HS3ST4: variants seen among roughly 807,000 people sequenced by gnomAD.
HS3ST4 encodes the protein heparan sulfate-glucosamine 3-sulfotransferase 4, also known as heparan sulfate glucosamine 3-O-sulfotransferase 4.
A neutral mutation model predicts 29.2 loss-of-function variants in HS3ST4; 17 were observed. The ratio of observed to expected loss-of-function variants is 0.58; its 90% CI spans 0.40 to 0.87. The LOEUF (loss-of-function observed/expected upper bound fraction) is 0.87, where lower values mean the gene tolerates loss of function less well. HS3ST4 is among the 40% of genes least tolerant of loss of function. The probability of loss-of-function intolerance (pLI) is 0.00; values close to 1 mark genes in which losing one functional copy is unlikely to be tolerated. For synonymous variants in HS3ST4, 314 were observed against 285.7 expected, an observed-to-expected ratio of 1.10 and a Z score of -1.00; for missense variants, 627 against 634.5, an observed-to-expected ratio of 0.99 and a Z score of 0.13.
At chr16:25,844,860 A>G (rs900998450) in intron 1 of HS3ST4, among the ~76,000 whole-genome samples, 7 of 152,244 alleles carry the variant, frequency 4.6e-5, no homozygotes, top group Admixed American at 1.3e-4. Flanking sequence ...AGGGAGTACT[A>G]TGCAGCCATA....
At chr16:25,813,427 G>A (rs565884228) in intron 1 of HS3ST4, among the ~76,000 whole-genome samples, 18 of 152,064 alleles carry the variant, frequency 1.2e-4, no homozygotes, top group Non-Finnish European at 2.5e-4. Flanking sequence ...GAGAAACCCC[G>A]TCTCCACTAA....
At position 25,745,471 on chromosome 16, in the gene HS3ST4, C is replaced by G. The variant is rs567614010; in HGVS notation, c.734+52320C>G. Reference sequence around the variant, plus strand: ...ATCCTTGTTAGATTTGCCAGAGATGCTTATTAAAGTTGCAGAATCCTGGGC... The same window carrying G: ...ATCCTTGTTAGATTTGCCAGAGATGGTTATTAAAGTTGCAGAATCCTGGGC... On this transcript the variant is annotated intron_variant, in intron 1 of 1. Coordinates refer to ENST00000331351, the MANE Select transcript of HS3ST4 (RefSeq NM_006040.3). Among the ~76,000 whole-genome samples, 6 of 152,208 alleles carry G rather than the reference C, an allele frequency of 3.9e-5. No homozygotes were observed. The South Asian group carries it at 1.2e-3, about 32-fold the overall frequency.
intron 1 of HS3ST4, among the ~76,000 whole-genome samples, chr16:26,052,129 C>A (rs1479164686): frequency 6.6e-6 from 1 of 152,076 alleles, no homozygotes; most frequent in African/African-American, 2.4e-5. Context: ...AGGGTTGTGT[C>A]CCACACCCAG....
At chr16:25,974,157 T>C (rs760436384) in intron 1 of HS3ST4, among the ~76,000 whole-genome samples, 2 of 152,230 alleles carry the variant, frequency 1.3e-5, no homozygotes, top group Non-Finnish European at 2.9e-5. Flanking sequence ...TGCCAGCCTC[T>C]CTTTCTGAGA....
rs767016845 is a variant in HS3ST4, at chr16:25,928,035, C to CAAAA, written c.735-207557_735-207554dup. On this transcript the variant is annotated intron_variant, in intron 1 of 1. Coordinates refer to ENST00000331351, the MANE Select transcript of HS3ST4 (RefSeq NM_006040.3). ...ATAATGTGGAGATACCCCATCTCGACAAAAAAAAAAAAAAAAAAAAAAAGG... is the reference window on the plus strand; with the variant it reads ...ATAATGTGGAGATACCCCATCTCGACAAAAAAAAAAAAAAAAAAAAAAAAAAAGG... 4.6e-3 allele frequency among the ~76,000 whole-genome samples: 230 copies of CAAAA among 49,832 alleles called. 6 individuals carry two copies. The highest frequency in any genetic ancestry group is 0.011 in the African/African-American group (154 of 13,986). 32.7% of individuals were successfully genotyped at this position (49,832 alleles called of 152,430 possible).
intron 1 of HS3ST4, among the ~76,000 whole-genome samples, chr16:26,089,213 G>A (rs1328997189): frequency 6.6e-6 from 1 of 152,176 alleles, no homozygotes; most frequent in Non-Finnish European, 1.5e-5. Context: ...GTGCACATAA[G>A]GAGACAATCT....
Position 25,904,226 on chromosome 16 carries a change from G to A in HS3ST4, c.734+211075G>A, listed in dbSNP as rs188862707. Among the ~76,000 whole-genome samples the A allele has an allele frequency of 7.9e-5, 12 of 152,192 alleles. No homozygotes were observed. The East Asian group carries it at 2.3e-3, about 29-fold the overall frequency. ...TGGATGGATGGATGGACGGATGGAT[G>A]GATGAATGGATGAATGGATGGATGG... On this transcript the variant is annotated intron_variant, in intron 1 of 1. Coordinates refer to ENST00000331351, the MANE Select transcript of HS3ST4 (RefSeq NM_006040.3).
In HS3ST4 at chr16:26,128,327, G is replaced by A. The variant is rs191853641; in HGVS notation, c.735-7285G>A. Among the ~76,000 whole-genome samples, 20 of 152,328 alleles carry A rather than the reference G, an allele frequency of 1.3e-4. No individual in the cohort carries two copies. The East Asian group carries it at 1.7e-3, about 13-fold the overall frequency. On this transcript the variant is annotated intron_variant, in intron 1 of 1. Transcript: ENST00000331351. The stretch of plus-strand genomic sequence containing the variant: ...ATACCCCATAGTTGGTACGTAATAA[G>A]CACCAATACATACTCAGTGGAATTA...
intron 1 of HS3ST4, among the ~76,000 whole-genome samples, chr16:26,070,025 A>G (rs1898584395): frequency 1.3e-5 from 2 of 152,178 alleles, no homozygotes; most frequent in African/African-American, 2.4e-5. Context: ...ATACGTGTGC[A>G]TATGTCTTTA....
intron 1 of HS3ST4, among the ~76,000 whole-genome samples, chr16:26,049,855 T>C (rs1259618119): frequency 6.6e-6 from 1 of 152,094 alleles, no homozygotes; most frequent in Non-Finnish European, 1.5e-5. Flanking sequence ...TTTACTGGTT[T>C]ATTATAAAGG....
rs77779578 is a variant in HS3ST4, at chr16:25,725,352, C to T, written c.734+32201C>T. 7.6e-3 allele frequency among the ~76,000 whole-genome samples: 1,159 copies of T among 152,162 alleles called. 19 individuals carry two copies. Among genetic ancestry groups the T allele is most frequent in the African/African-American group, 0.027 (1,111 of 41,514 alleles). ...GAAAAATAGCCTTTCTTCCCCTTAG[C>T]CCCCGGTTTTTAACGTAAACATTGT... On this transcript the variant is annotated intron_variant, in intron 1 of 1. Coordinates refer to ENST00000331351, the MANE Select transcript of HS3ST4 (RefSeq NM_006040.3).
chr16:25,767,702 A>G (rs1966829179), intron 1 of HS3ST4, among the ~76,000 whole-genome samples: 1 of 152,054 alleles, frequency 6.6e-6, no homozygotes, highest in African/African-American at 2.4e-5. Flanking sequence ...ATAACTTCTG[A>G]GCACCCACTC....
chr16:25,725,595 T>C (rs954693481), intron 1 of HS3ST4, among the ~76,000 whole-genome samples: 1 of 152,002 alleles, frequency 6.6e-6, no homozygotes, highest in Non-Finnish European at 1.5e-5. Context: ...TATGCACATA[T>C]ACTAATTTGC....
intron 1 of HS3ST4, among the ~76,000 whole-genome samples, chr16:25,893,803 C>T (rs1182871440): frequency 6.6e-6 from 1 of 152,170 alleles, no homozygotes; most frequent in African/African-American, 2.4e-5. Flanking sequence ...TAATATGTGT[C>T]CTCTGTGCCT....
At chr16:25,819,529 C>A (rs117348027) in intron 1 of HS3ST4, among the ~76,000 whole-genome samples, 18 of 152,082 alleles carry the variant, frequency 1.2e-4, no homozygotes, top group Non-Finnish European at 2.1e-4. Flanking sequence ...AATGCACGGC[C>A]GTCTGTTTTG....
chr16:25,974,153 C>G (rs73521537), intron 1 of HS3ST4, among the ~76,000 whole-genome samples: 3,112 of 152,246 alleles, frequency 0.02, 119 homozygotes, highest in African/African-American at 0.072. Context: ...AATCTGCCAG[C>G]CTCTCTTTCT....
chr16:25,841,414 C>T (rs1003608188), intron 1 of HS3ST4, among the ~76,000 whole-genome samples: 1 of 152,100 alleles, frequency 6.6e-6, no homozygotes, highest in Non-Finnish European at 1.5e-5. Flanking sequence ...GATCCTCCCA[C>T]TTCAGCCTCT....
At chr16:26,059,393 C>A (rs1000889975) in intron 1 of HS3ST4, among the ~76,000 whole-genome samples, 18 of 152,196 alleles carry the variant, frequency 1.2e-4, no homozygotes, top group Admixed American at 2.0e-4. Context: ...TTCACCAAGC[C>A]AGAAAAGGCA....
At chr16:25,840,738 C>T (rs1013223016) in intron 1 of HS3ST4, among the ~76,000 whole-genome samples, 6 of 152,090 alleles carry the variant, frequency 3.9e-5, no homozygotes, top group African/African-American at 1.4e-4. Context: ...AATTTAATCA[C>T]CTACAGAACA....
Sources: gnomAD v4.1 joint callset for allele counts (sites outside exome capture counted in the v4.1 genomes callset) on GRCh38, gnomAD v4.1.1 for gene constraint, MANE v1.5 for transcripts, NCBI Gene and HGNC (gene_info 2026-07-23, HGNC 2026-07-21) for gene names.